The following SEMA6D variants were observed in gnomAD, a reference collection of about 807,000 sequenced individuals.
SEMA6D encodes semaphorin 6D, also known as semaphorin-6D.
A neutral mutation model predicts 106.6 loss-of-function variants in SEMA6D; 35 were observed. That is an observed-to-expected ratio of 0.33 (90% CI 0.25 to 0.44). The LOEUF is 0.44. SEMA6D is among the 20% of genes least tolerant of loss of function. SEMA6D has a pLI of 1.00. For missense variants in SEMA6D, 1,185 were observed against 1,345.9 expected (o/e 0.88, Z 1.87); for synonymous variants, 499 against 487.7 (o/e 1.02, Z -0.31).
intron 1 of SEMA6D, among the ~76,000 whole-genome samples, chr15:47,340,078 T>G (rs753242203): frequency 2.0e-5 from 3 of 151,988 alleles, no homozygotes; most frequent in Non-Finnish European, 4.4e-5. Context: ...GGGAAAACAT[T>G]CTAAGCAGAG....
chr15:47,460,010 A>G (rs537492754), intron 2 of SEMA6D, among the ~76,000 whole-genome samples: 1 of 152,146 alleles, frequency 6.6e-6, no homozygotes, highest in East Asian at 1.9e-4. Flanking sequence ...TCCCCAAGTC[A>G]GGGAGTTTCA....
intron 2 of SEMA6D, among the ~76,000 whole-genome samples, chr15:47,459,394 C>T (rs2059473): frequency 0.25 from 37,400 of 151,990 alleles, 5,522 homozygotes; most frequent in Middle Eastern, 0.44. Context: ...CAGATGAAAA[C>T]ACAGCCCACC....
At chr15:47,600,419 G>C (rs1409392918) in intron 3 of SEMA6D, among the ~76,000 whole-genome samples, 1 of 152,092 alleles carries the variant, frequency 6.6e-6, no homozygotes. Context: ...AATGAGATAT[G>C]ATGTTGCATT....
intron 4 of SEMA6D, among the ~76,000 whole-genome samples, chr15:47,657,157 A>T (rs1036191990): frequency 2.6e-5 from 4 of 152,214 alleles, no homozygotes; most frequent in African/African-American, 9.6e-5. Flanking sequence ...AAAAGCAGAA[A>T]TTAAAAAGTA....
At chr15:47,661,260 C>T (rs1461511903) in intron 4 of SEMA6D, among the ~76,000 whole-genome samples, 1 of 152,178 alleles carries the variant, frequency 6.6e-6, no homozygotes, top group Admixed American at 6.5e-5. Flanking sequence ...GTTGTAAATG[C>T]CTCCTTTTAC....
At chr15:47,494,800 T>TACAC (rs71432245) in intron 3 of SEMA6D, among the ~76,000 whole-genome samples, 1,110 of 96,430 alleles carry the variant, frequency 0.012, 17 homozygotes, top group African/African-American at 0.023. Flanking sequence ...AATCTCCAGA[T>TACAC]ACACACACAC....
chr15:47,434,110 T>C (rs1200550280), intron 2 of SEMA6D, among the ~76,000 whole-genome samples: 2 of 152,006 alleles, frequency 1.3e-5, no homozygotes, highest in Admixed American at 1.3e-4. Flanking sequence ...AAGTAAGAGA[T>C]GTTGAGGCCT....
intron 1 of SEMA6D, among the ~76,000 whole-genome samples, chr15:47,281,934 C>A (rs1257249628): frequency 1.3e-5 from 2 of 152,016 alleles, no homozygotes; most frequent in Non-Finnish European, 2.9e-5. Context: ...TAGGTTTACC[C>A]TAATTATAGA....
chr15:47,705,781 G>A (rs1463453299), intron 4 of SEMA6D, among the ~76,000 whole-genome samples: 1 of 152,172 alleles, frequency 6.6e-6, no homozygotes, highest in Non-Finnish European at 1.5e-5. Flanking sequence ...AGAAAGTGCA[G>A]GGCCAAAGTC....
At chr15:47,655,862 C>G (rs1034782155) in intron 4 of SEMA6D, among the ~76,000 whole-genome samples, 1 of 152,252 alleles carries the variant, frequency 6.6e-6, no homozygotes, top group Non-Finnish European at 1.5e-5. Flanking sequence ...GTTTGTAGCA[C>G]TTGTGCAGTC....
intron 2 of SEMA6D, among the ~76,000 whole-genome samples, chr15:47,469,497 A>C (rs1291305502): frequency 6.6e-6 from 1 of 152,162 alleles, no homozygotes; most frequent in East Asian, 1.9e-4. Context: ...GTACTGTTAG[A>C]TTAACAACTC....
chr15:47,443,357 G>A (rs1456409912), intron 2 of SEMA6D, among the ~76,000 whole-genome samples: 3 of 152,094 alleles, frequency 2.0e-5, no homozygotes, highest in African/African-American at 7.2e-5. Flanking sequence ...CCTGGGAGTA[G>A]CAAAACCTTG....
intron 1 of SEMA6D, among the ~76,000 whole-genome samples, chr15:47,384,832 T>G (rs1389747836): frequency 8.9e-5 from 13 of 145,422 alleles, no homozygotes; most frequent in East Asian, 6.0e-4. Context: ...TTTTTTTTTT[T>G]TTTTTTTTTT....
intron 3 of SEMA6D, among the ~76,000 whole-genome samples, chr15:47,503,059 A>G (rs16959595): frequency 0.092 from 13,975 of 152,214 alleles, 937 homozygotes; most frequent in East Asian, 0.32. Flanking sequence ...ACTATACACT[A>G]TCTTATACTT....
chr15:47,681,288 A>G (rs916698891), intron 4 of SEMA6D, among the ~76,000 whole-genome samples: 2 of 152,358 alleles, frequency 1.3e-5, no homozygotes, highest in Admixed American at 6.5e-5. Context: ...AGATCCTGTC[A>G]TATCCTGCCA....
At chr15:47,418,522 C>T (rs1453994315) in intron 2 of SEMA6D, among the ~76,000 whole-genome samples, 1 of 152,024 alleles carries the variant, frequency 6.6e-6, no homozygotes, top group African/African-American at 2.4e-5. Context: ...CGGTAAAGCT[C>T]TCTGGGATTT....
chr15:47,493,796 C>T (rs1396766303), intron 3 of SEMA6D, among the ~76,000 whole-genome samples: 1 of 152,112 alleles, frequency 6.6e-6, no homozygotes, highest in Non-Finnish European at 1.5e-5. Context: ...GTCAGCCTCA[C>T]TCCATAATTC....
chr15:47,549,625 G>A (rs2045623236), intron 3 of SEMA6D, among the ~76,000 whole-genome samples: 1 of 151,764 alleles, frequency 6.6e-6, no homozygotes, highest in African/African-American at 2.4e-5. Flanking sequence ...TTTCACCATG[G>A]GTTTTTTTTT....
chr15:47,583,544 TTA>T (rs1289326350), intron 3 of SEMA6D, among the ~76,000 whole-genome samples: 1 of 152,156 alleles, frequency 6.6e-6, no homozygotes, highest in Non-Finnish European at 1.5e-5. Flanking sequence ...GCCACGTATT[TTA>T]TCAGGATTGC....
Sources: allele counts gnomAD v4.1 joint callset (sites outside exome capture counted in the v4.1 genomes callset), GRCh38; gene constraint gnomAD v4.1.1; transcripts MANE v1.5; gene names NCBI Gene and HGNC (gene_info 2026-07-23, HGNC 2026-07-21).